Variants in GPR39 observed in about 807,000 individuals in gnomAD.
GPR39 encodes the protein zinc sensing receptor.
Under a neutral mutation model 18.4 loss-of-function variants are expected in GPR39, and 23 were observed. The ratio of observed to expected loss-of-function variants is 1.25; its 90% CI spans 0.90 to 1.77. The LOEUF (loss-of-function observed/expected upper bound fraction) is 1.77, where lower values mean the gene tolerates loss of function less well. GPR39 is among the 40% of genes most tolerant of loss of function. The pLI, the probability that GPR39 is intolerant of heterozygous loss-of-function variation, is 0.00. For synonymous variants in GPR39, 280 were observed against 257.9 expected, an observed-to-expected ratio of 1.09 and a Z score of -0.82; for missense variants, 647 against 602.4, an observed-to-expected ratio of 1.07 and a Z score of -0.78.
intron 1 of GPR39, among the ~76,000 whole-genome samples, chr2:132,558,680 G>A (rs889826061): frequency 6.6e-6 from 1 of 152,150 alleles, no homozygotes; most frequent in Non-Finnish European, 1.5e-5. Context: ...CATGAAGGTG[G>A]ATTTCTCTGC....
At chr2:132,631,194 A>G (rs1309354554) in intron 1 of GPR39, among the ~76,000 whole-genome samples, 1 of 152,212 alleles carries the variant, frequency 6.6e-6, no homozygotes, top group East Asian at 1.9e-4. Context: ...TAGCTTTAAA[A>G]ATTAAAGCAG....
chr2:132,535,695 CT>C lies in GPR39; in HGVS notation c.857-109395del, dbSNP rs753801511. Among the ~76,000 whole-genome samples, 242 of 96,442 alleles carry C rather than the reference CT, an allele frequency of 2.5e-3. 23 individuals carry two copies. Among genetic ancestry groups the C allele is most frequent in the African/African-American group, 5.8e-3 (146 of 25,356 alleles). 63.3% of individuals were successfully genotyped at this position (96,442 alleles called of 152,430 possible). A position where few individuals can be genotyped will look rare whatever the true frequency, so the allele number is the denominator to read the frequency against. On this transcript the variant is annotated intron_variant, in intron 1 of 1. Coordinates refer to ENST00000329321, the MANE Select transcript of GPR39 (RefSeq NM_001508.3). ...GGCTGTGAATCCATCTGGTCCTGGGCTTTTTTTTTTTGGTTGGTAGGCTATT... is the reference window on the plus strand; with the variant it reads ...GGCTGTGAATCCATCTGGTCCTGGGCTTTTTTTTTTGGTTGGTAGGCTATT...
chr2:132,646,304 T>C lies in GPR39; in HGVS notation c.*698T>C. On this transcript the variant is annotated 3_prime_UTR_variant, in exon 2 of 2. Coordinates refer to ENST00000329321, the MANE Select transcript of GPR39 (RefSeq NM_001508.3). ...CCCTGTAACACAGACCCAAAGGAGC[T>C]GAGTTAACGTGCACCGGCAAAAGAA... The C allele has an allele frequency of 7.1e-7, 1 of 1,406,390 alleles. No homozygotes were observed. The highest frequency in any genetic ancestry group is 9.4e-7 in the Non-Finnish European group (1 of 1,065,838). 87.1% of individuals were successfully genotyped at this position (1,406,390 alleles called of 1,614,324 possible). A position where few individuals can be genotyped will look rare whatever the true frequency, so the allele number is the denominator to read the frequency against.
At chr2:132,450,108 G>A (rs1680606599) in intron 1 of GPR39, among the ~76,000 whole-genome samples, 1 of 152,170 alleles carries the variant, frequency 6.6e-6, no homozygotes, top group African/African-American at 2.4e-5. Context: ...AATATACTTT[G>A]CTTATCACCC....
chr2:132,567,274 A>G (rs1455598746), intron 1 of GPR39, among the ~76,000 whole-genome samples: 1 of 152,126 alleles, frequency 6.6e-6, no homozygotes, highest in African/African-American at 2.4e-5. Context: ...GTGAGCCGAG[A>G]TTGCACCACT....
chr2:132,563,915 A>T lies in GPR39; in HGVS notation c.857-81186A>T, dbSNP rs552697999. On this transcript the variant is annotated intron_variant, in intron 1 of 1. Transcript: ENST00000329321. Reference sequence around the variant, plus strand: ...CTGGGTCCCCCCACCCCAACCATGGACATGGTTGTAATTGGTGTGGGATGT... The same window carrying T: ...CTGGGTCCCCCCACCCCAACCATGGTCATGGTTGTAATTGGTGTGGGATGT... Among the ~76,000 whole-genome samples, 6 of 152,302 alleles carry T rather than the reference A, an allele frequency of 3.9e-5. No individual in the cohort carries two copies. The South Asian group carries it at 1.0e-3, about 26-fold the overall frequency.
At chr2:132,508,672 C>G (rs113548798) in intron 1 of GPR39, among the ~76,000 whole-genome samples, 1 of 152,134 alleles carries the variant, frequency 6.6e-6, no homozygotes, top group Non-Finnish European at 1.5e-5. Flanking sequence ...AATCAGCTGC[C>G]GTTTAAAGCA....
At chr2:132,515,866 G>T (rs1380311099) in intron 1 of GPR39, among the ~76,000 whole-genome samples, 1 of 152,074 alleles carries the variant, frequency 6.6e-6, no homozygotes, top group African/African-American at 2.4e-5. Flanking sequence ...ATAACCTTTT[G>T]TCCTCTGATT....
chr2:132,554,596 T>C (rs1291043715), intron 1 of GPR39, among the ~76,000 whole-genome samples: 1 of 152,158 alleles, frequency 6.6e-6, no homozygotes, highest in Non-Finnish European at 1.5e-5. Context: ...AGCTGATAGC[T>C]ACAGTGACCT....
At position 132,629,141 on chromosome 2, in the gene GPR39, A is replaced by T. The variant is rs185429421; in HGVS notation, c.857-15960A>T. On this transcript the variant is annotated intron_variant, in intron 1 of 1. Coordinates refer to ENST00000329321, the MANE Select transcript of GPR39 (RefSeq NM_001508.3). ...TTAAGAGTCATTGGAAAAAAGCTGGAGCACTGGACTCAGATGGAGACTGGT... is the reference window on the plus strand; with the variant it reads ...TTAAGAGTCATTGGAAAAAAGCTGGTGCACTGGACTCAGATGGAGACTGGT... 2.6e-5 allele frequency among the ~76,000 whole-genome samples: 4 copies of T among 152,342 alleles called. No homozygotes were observed. In the East Asian group the frequency reaches 7.7e-4, roughly 29 times the overall value.
intron 1 of GPR39, among the ~76,000 whole-genome samples, chr2:132,605,355 C>T (rs1681116124): frequency 6.6e-6 from 1 of 152,156 alleles, no homozygotes; most frequent in South Asian, 2.1e-4. Flanking sequence ...ATGATCAAAG[C>T]CGTATGTGTG....
chr2:132,450,439 T>G (rs528752326), intron 1 of GPR39, among the ~76,000 whole-genome samples: 115 of 152,374 alleles, frequency 7.5e-4, no homozygotes, highest in Admixed American at 1.4e-3. Flanking sequence ...TGTACATTTT[T>G]TAACATATTT....
At chr2:132,440,071 G>A (rs1680405818) in intron 1 of GPR39, among the ~76,000 whole-genome samples, 1 of 152,118 alleles carries the variant, frequency 6.6e-6, no homozygotes, top group African/African-American at 2.4e-5. Flanking sequence ...TCCTAACAAA[G>A]GTTTGTGGAT....
At chr2:132,604,538 A>C (rs1333325704) in intron 1 of GPR39, 1 of 152,252 alleles carries the variant, frequency 6.6e-6, no homozygotes, top group African/African-American at 2.4e-5. Context: ...ACTGCAGACA[A>C]AAAGACGGTT....
chr2:132,557,592 TGAGAGAGAGAGA>T lies in GPR39; in HGVS notation c.857-87492_857-87481del, dbSNP rs57544662. On this transcript the variant is annotated intron_variant, in intron 1 of 1. Coordinates refer to ENST00000329321, the MANE Select transcript of GPR39 (RefSeq NM_001508.3). ...GTGTAAGATTAGCTGAAAGAAAGGATGAGAGAGAGAGAGAGAGAGAGAGAGAGACCCAAGGTC... is the reference window on the plus strand; with the variant it reads ...GTGTAAGATTAGCTGAAAGAAAGGATGAGAGAGAGAGAGAGACCCAAGGTC... Among the ~76,000 whole-genome samples, 44 of 148,384 alleles carry T rather than the reference TGAGAGAGAGAGA, an allele frequency of 3.0e-4. 1 individual carries two copies. The highest frequency in any genetic ancestry group is 9.5e-4 in the African/African-American group (38 of 40,198).
chr2:132,598,171 G>T (rs534957181), intron 1 of GPR39, among the ~76,000 whole-genome samples: 3 of 152,350 alleles, frequency 2.0e-5, no homozygotes, highest in African/African-American at 7.2e-5. Flanking sequence ...TTCTGAGGCT[G>T]AGAATTGGCT....
intron 1 of GPR39, among the ~76,000 whole-genome samples, chr2:132,535,993 A>AT (rs1679751193): frequency 1.0e-5 from 1 of 100,152 alleles, no homozygotes; most frequent in South Asian, 3.2e-4. Context: ...CAGTCCCTCT[A>AT]TTTTGTTAAT....
At chr2:132,526,663 G>A (rs1230551480) in intron 1 of GPR39, among the ~76,000 whole-genome samples, 1 of 152,176 alleles carries the variant, frequency 6.6e-6, no homozygotes, top group East Asian at 1.9e-4. Context: ...CGGAGCACCT[G>A]CATACTCTGG....
At position 132,416,835 on chromosome 2, in the gene GPR39, G is replaced by A; in HGVS notation, c.-208G>A. 1.6e-6 allele frequency: 1 copy of A among 631,810 alleles called. No individual in the cohort carries two copies. The allele number at this position is 631,810 out of a possible 1,614,324, so 39.1% of individuals were successfully genotyped here. On this transcript the variant is annotated 5_prime_UTR_variant, in exon 1 of 2. Transcript: ENST00000329321. The stretch of plus-strand genomic sequence containing the variant: ...CACTCCCAAACCTCAACACCCAGGC[G>A]CCTCCTGGGCCTCTCCTAGGTTGGG...
Sources: gnomAD v4.1 joint callset for allele counts (sites outside exome capture counted in the v4.1 genomes callset) on GRCh38, gnomAD v4.1.1 for gene constraint, MANE v1.5 for transcripts, NCBI Gene and HGNC (gene_info 2026-07-23, HGNC 2026-07-21) for gene names.